Variants in RPL38 observed in about 807,000 individuals in gnomAD.
RPL38 encodes the protein large ribosomal subunit protein eL38.
RPL38 carries 2 observed loss-of-function variants against 12.8 expected under a neutral mutation model. That is an observed-to-expected ratio of 0.16 (90% confidence interval 0.06 to 0.49). The LOEUF is 0.49. Ranked by LOEUF, RPL38 falls within the 20% of genes least tolerant of loss-of-function variation. The pLI, the probability that RPL38 is intolerant of heterozygous loss-of-function variation, is 0.96. For synonymous variants in RPL38, 42 were observed against 30.1 expected (o/e 1.39, Z -1.29); for missense variants, 52 against 79.8 (o/e 0.65, Z 1.33).
chr17:74,206,398 C>T (rs2050114001), intron 3 of RPL38: 1 of 152,350 alleles, frequency 6.6e-6, no homozygotes, highest in African/African-American at 2.4e-5. Context: ...TATGCTACTG[C>T]ACTCCGGGCT....
chr17:74,204,710 T>C (rs903178688), intron 3 of RPL38: 1 of 152,696 alleles, frequency 6.5e-6, no homozygotes, highest in Non-Finnish European at 1.5e-5. Flanking sequence ...AAAAAAATTT[T>C]TTTTTTTCTT....
In RPL38 at chr17:74,203,708, G is replaced by C. The variant is rs185733432; in HGVS notation, c.-76G>C. ...TCGTCCTTTTCCCCGGTTGCTGCTTGCTGTGAGTGTCTCTAGGGTGATACG... is the reference window on the plus strand; with the variant it reads ...TCGTCCTTTTCCCCGGTTGCTGCTTCCTGTGAGTGTCTCTAGGGTGATACG... On this transcript the variant is annotated 5_prime_UTR_variant, in exon 1 of 5. Transcript: ENST00000311111. 1.1e-3 allele frequency: 572 copies of C among 515,468 alleles called. No individual in the cohort carries two copies. The highest frequency in any genetic ancestry group is 1.6e-3 in the Non-Finnish European group (471 of 291,186). 31.9% of individuals were successfully genotyped at this position (515,468 alleles called of 1,614,324 possible).
In RPL38 at chr17:74,203,747, T is replaced by TA; in HGVS notation, c.-39+4dup. On this transcript the variant is annotated splice_region_variant and intron_variant, in intron 1 of 4. Coordinates refer to ENST00000311111, the MANE Select transcript of RPL38 (RefSeq NM_000999.4). Reference sequence around the variant, plus strand: ...TAGGGTGATACGTGGGTGAGAAAGGTAATCTGGGGCAATCCACTGCCAGGT... The same window carrying TA: ...TAGGGTGATACGTGGGTGAGAAAGGTAAATCTGGGGCAATCCACTGCCAGGT... 1.6e-6 allele frequency: 1 copy of TA among 614,170 alleles called. No individual in the cohort carries two copies. Among genetic ancestry groups the TA allele is most frequent in the Non-Finnish European group, 2.9e-6 (1 of 344,564 alleles). 38.0% of individuals were successfully genotyped at this position (614,170 alleles called of 1,614,324 possible).
chr17:74,203,696 C>A lies in RPL38; in HGVS notation c.-88C>A, dbSNP rs932678715. On this transcript the variant is annotated 5_prime_UTR_variant, in exon 1 of 5. Transcript: ENST00000311111. ...TCTCGTTCTTTTTCGTCCTTTTCCC[C>A]GGTTGCTGCTTGCTGTGAGTGTCTC... 5.9e-6 allele frequency: 3 copies of A among 506,266 alleles called. No individual in the cohort carries two copies. Among genetic ancestry groups the A allele is most frequent in the South Asian group, 6.9e-5 (2 of 29,162 alleles). The allele number at this position is 506,266 out of a possible 1,614,324, so 31.4% of individuals were successfully genotyped here. A position where few individuals can be genotyped will look rare whatever the true frequency, so the allele number is the denominator to read the frequency against.
At chr17:74,206,708 C>CTTTTTTTTTTTTT (rs35333460) in intron 3 of RPL38, among the ~76,000 whole-genome samples, 80 of 101,586 alleles carry the variant, frequency 7.9e-4, no homozygotes, top group Non-Finnish European at 1.1e-3. Context: ...TTTTTTCTTT[C>CTTTTTTTTTTTTT]TTTTTTTTTT....
intron 3 of RPL38, chr17:74,204,811 C>T (rs754907811): frequency 6.6e-6 from 1 of 152,142 alleles, no homozygotes; most frequent in South Asian, 2.1e-4. Context: ...AAGCGATCCC[C>T]CTGCCTCAAA....
rs535955047 is a variant in RPL38, at chr17:74,208,514, G to GAGCT, written c.65-672_65-669dup. Among the ~76,000 whole-genome samples the GAGCT allele has an allele frequency of 4.1e-3, 629 of 152,306 alleles. 4 individuals are homozygous for GAGCT. The highest frequency in any genetic ancestry group is 9.3e-3 in the Admixed American group (142 of 15,292). ...AGTGGCTGGAGGCATCCTGAAGAAC[G>GAGCT]AGCTCTTACTGGCCCAGAATGTCAT... On this transcript the variant is annotated intron_variant, in intron 3 of 4. Coordinates refer to ENST00000311111, the MANE Select transcript of RPL38 (RefSeq NM_000999.4).
Sources: gnomAD v4.1 joint callset for allele counts (sites outside exome capture counted in the v4.1 genomes callset) on GRCh38, gnomAD v4.1.1 for gene constraint, MANE v1.5 for transcripts, NCBI Gene and HGNC (gene_info 2026-07-23, HGNC 2026-07-21) for gene names.